The following CNTNAP4 variants were observed in gnomAD, a reference collection of about 807,000 sequenced individuals.
The protein encoded by CNTNAP4 is contactin-associated protein-like 4.
CNTNAP4 carries 98 observed loss-of-function variants against 148.4 expected under a neutral mutation model. The ratio of observed to expected loss-of-function variants is 0.66; its 90% confidence interval spans 0.56 to 0.78. The LOEUF (loss-of-function observed/expected upper bound fraction) is 0.78, where lower values mean the gene tolerates loss of function less well. Ranked by LOEUF, CNTNAP4 falls within the 30% of genes least tolerant of loss-of-function variation. CNTNAP4 has a pLI of 0.00. For missense variants in CNTNAP4, 1,935 were observed against 1,565.6 expected (o/e 1.24, Z -3.98); for synonymous variants, 730 against 565.1 (o/e 1.29, Z -4.14).
chr16:76,342,719 A>G (rs12597029), intron 2 of CNTNAP4, among the ~76,000 whole-genome samples: 33,075 of 151,842 alleles, frequency 0.22, 4,179 homozygotes, highest in East Asian at 0.5. Flanking sequence ...TGATCTGCCC[A>G]CCTCGGCATA....
At chr16:76,449,182 C>G (rs1381701426) in intron 6 of CNTNAP4, among the ~76,000 whole-genome samples, 1 of 151,984 alleles carries the variant, frequency 6.6e-6, no homozygotes, top group Non-Finnish European at 1.5e-5. Context: ...ATCTTTTTTA[C>G]CTAAAATATG....
intron 4 of CNTNAP4, among the ~76,000 whole-genome samples, chr16:76,438,908 A>T (rs957254380): frequency 2.0e-5 from 3 of 152,144 alleles, no homozygotes; most frequent in African/African-American, 4.8e-5. Flanking sequence ...GAACTTGTAC[A>T]TTTGTCTGTA....
chr16:76,362,325 A>G (rs2013538374), intron 3 of CNTNAP4, among the ~76,000 whole-genome samples: 2 of 152,290 alleles, frequency 1.3e-5, no homozygotes, highest in Admixed American at 6.5e-5. Context: ...TGTCTATACT[A>G]CTCAAAGCAA....
chr16:76,309,193 T>C (rs1214957960), intron 1 of CNTNAP4, among the ~76,000 whole-genome samples: 2 of 152,020 alleles, frequency 1.3e-5, no homozygotes, highest in East Asian at 3.9e-4. Flanking sequence ...TGGCTCTTTT[T>C]TGGTGTTGAG....
chr16:76,429,214 A>G (rs1201639848), intron 4 of CNTNAP4, among the ~76,000 whole-genome samples: 6 of 152,120 alleles, frequency 3.9e-5, no homozygotes, highest in African/African-American at 1.4e-4. Context: ...TCCTACCCCC[A>G]ATTATGATCC....
At position 76,531,668 on chromosome 16, in the gene CNTNAP4, G is replaced by T. The variant is rs113938866; in HGVS notation, c.2756-3877G>T. 5.9e-5 allele frequency among the ~76,000 whole-genome samples: 9 copies of T among 152,116 alleles called. 1 individual carries two copies. The highest frequency in any genetic ancestry group is 2.2e-4 in the African/African-American group (9 of 41,504). ...TTGGACACACTCTAACCCTGAAAAG[G>T]CACTGGAATCTTTAATTAAGCTTTC... On this transcript the variant is annotated intron_variant, in intron 17 of 23. Coordinates refer to ENST00000611870, the MANE Select transcript of CNTNAP4 (RefSeq NM_033401.5).
intron 3 of CNTNAP4, among the ~76,000 whole-genome samples, chr16:76,401,600 G>A (rs2078419664): frequency 6.6e-6 from 1 of 152,122 alleles, no homozygotes; most frequent in Non-Finnish European, 1.5e-5. Context: ...AGTGGTGAGA[G>A]GGGGCATCCT....
intron 1 of CNTNAP4, among the ~76,000 whole-genome samples, chr16:76,279,320 T>C (rs1043027044): frequency 2.0e-5 from 3 of 152,202 alleles, no homozygotes; most frequent in African/African-American, 7.2e-5. Flanking sequence ...CTGCCTGTAG[T>C]TGGGTTTAAA....
chr16:76,307,565 A>G (rs1650000399), intron 1 of CNTNAP4, among the ~76,000 whole-genome samples: 2 of 140,154 alleles, frequency 1.4e-5, no homozygotes, highest in South Asian at 4.5e-4. Context: ...TGCTTACCCC[A>G]TAAAGATGTT....
chr16:76,297,556 A>T (rs1045235069), intron 1 of CNTNAP4, among the ~76,000 whole-genome samples: 4 of 152,162 alleles, frequency 2.6e-5, no homozygotes, highest in African/African-American at 9.7e-5. Flanking sequence ...ACTTGACTTT[A>T]CTTGATTATA....
chr16:76,397,941 TATACATATATA>T (rs2078262681), intron 3 of CNTNAP4, among the ~76,000 whole-genome samples: 2 of 1,928 alleles, frequency 1.0e-3, no homozygotes, highest in Non-Finnish European at 2.0e-3. Context: ...TAATAGATTA[TATACATATATA>T]TATATATATA....
chr16:76,279,836 T>C (rs547229294), intron 1 of CNTNAP4, among the ~76,000 whole-genome samples: 20 of 152,296 alleles, frequency 1.3e-4, no homozygotes, highest in African/African-American at 4.8e-4. Context: ...AATTTCTATT[T>C]CATTTTTCAA....
At chr16:76,527,541 T>C (rs760332693) in intron 17 of CNTNAP4, among the ~76,000 whole-genome samples, 5 of 152,150 alleles carry the variant, frequency 3.3e-5, no homozygotes, top group Non-Finnish European at 5.9e-5. Flanking sequence ...ATGGGGCAAA[T>C]GAATGAGGTA....
chr16:76,476,278 T>A (rs2081574669), intron 11 of CNTNAP4, among the ~76,000 whole-genome samples: 1 of 152,184 alleles, frequency 6.6e-6, no homozygotes. Flanking sequence ...GGTTGAAAAC[T>A]AAGAAAATGC....
At chr16:76,485,355 G>A (rs969936587) in intron 12 of CNTNAP4, among the ~76,000 whole-genome samples, 1 of 151,932 alleles carries the variant, frequency 6.6e-6, no homozygotes, top group African/African-American at 2.4e-5. Flanking sequence ...GACCTTAGGT[G>A]ATCCGCCTGC....
chr16:76,524,864 C>G (rs1160450320), intron 17 of CNTNAP4, among the ~76,000 whole-genome samples: 1 of 151,992 alleles, frequency 6.6e-6, no homozygotes, highest in Non-Finnish European at 1.5e-5. Flanking sequence ...GTGACATATA[C>G]TGTTAATAAA....
At chr16:76,371,200 C>G (rs974997810) in intron 3 of CNTNAP4, among the ~76,000 whole-genome samples, 3 of 152,202 alleles carry the variant, frequency 2.0e-5, no homozygotes, top group Non-Finnish European at 4.4e-5. Flanking sequence ...GATCAAACAT[C>G]AAACATCTTA....
chr16:76,373,514 C>G (rs141148397), intron 3 of CNTNAP4, among the ~76,000 whole-genome samples: 17 of 152,176 alleles, frequency 1.1e-4, no homozygotes, highest in African/African-American at 3.6e-4. Context: ...ACAAAAAATA[C>G]TTTGGGTGAC....
intron 18 of CNTNAP4, 102 bp downstream of exon 18, chr16:76,535,886 A>C (rs769648296): frequency 5.4e-6 from 7 of 1,306,234 alleles, no homozygotes; most frequent in Non-Finnish European, 4.2e-6. Flanking sequence ...AAAAAATTCA[A>C]TTTCTGAATT....
Sources: allele counts gnomAD v4.1 joint callset (sites outside exome capture counted in the v4.1 genomes callset), GRCh38; gene constraint gnomAD v4.1.1; transcripts MANE v1.5; gene names NCBI Gene and HGNC (gene_info 2026-07-23, HGNC 2026-07-21).